EIF4ENIF1: variants seen among roughly 807,000 people sequenced by gnomAD.
EIF4ENIF1 encodes the protein eukaryotic translation initiation factor 4E nuclear import factor 1.
Under a neutral mutation model 110.5 loss-of-function variants are expected in EIF4ENIF1, and 23 were observed. The observed-to-expected ratio is 0.21, with a 90% CI of 0.15 to 0.29. The LOEUF (loss-of-function observed/expected upper bound fraction) is 0.29, where lower values mean the gene tolerates loss of function less well. Ranked by LOEUF, EIF4ENIF1 falls within the 10% of genes least tolerant of loss-of-function variation. The pLI is 1.00. For missense variants in EIF4ENIF1, 1,031 were observed against 1,221.1 expected (o/e 0.84, Z 2.32); for synonymous variants, 440 against 437.0 (o/e 1.01, Z -0.09).
chr22:31,459,576 A>G (rs182956294), intron 6 of EIF4ENIF1, among the ~76,000 whole-genome samples: 4 of 152,054 alleles, frequency 2.6e-5, no homozygotes, highest in African/African-American at 9.7e-5. Flanking sequence ...GTCACACTGT[A>G]TAATAGTAAC....
chr22:31,478,813 G>A (rs371248495), intron 2 of EIF4ENIF1, among the ~76,000 whole-genome samples: 6 of 151,850 alleles, frequency 4.0e-5, no homozygotes, highest in Admixed American at 2.0e-4. Flanking sequence ...TTAGCCGGGC[G>A]TGGTGGCAGG....
chr22:31,492,569 TAGA>T (rs760446345), upstream of EIF4ENIF1, among the ~76,000 whole-genome samples: 11 of 152,186 alleles, frequency 7.2e-5, no homozygotes, highest in African/African-American at 1.4e-4. Flanking sequence ...TCTGTCCTTA[TAGA>T]AGAAGATGGT....
chr22:31,478,341 C>A (rs916766667), intron 2 of EIF4ENIF1, among the ~76,000 whole-genome samples: 2 of 147,972 alleles, frequency 1.4e-5, no homozygotes, highest in African/African-American at 2.4e-5. Flanking sequence ...GGTGAAACCA[C>A]GTCTCTACTA....
downstream of EIF4ENIF1, among the ~76,000 whole-genome samples, chr22:31,439,184 C>T (rs1472655003): frequency 1.3e-5 from 2 of 152,168 alleles, no homozygotes; most frequent in African/African-American, 4.8e-5. Context: ...GTGGCATGTG[C>T]CTGTAGTTCC....
Position 31,439,870 on chromosome 22 carries a change from C to A in EIF4ENIF1, c.*10G>T. 4 of 1,611,456 alleles carry A rather than the reference C, an allele frequency of 2.5e-6. No homozygotes were observed. Among genetic ancestry groups the A allele is most frequent in the Non-Finnish European group, 3.4e-6 (4 of 1,179,906 alleles). ...ACAGGTCCGGGCTTAGTTGAGTCTGCCTGCCCTGCTCACTGTCGGTATTCC... is the reference window on the plus strand; with the variant it reads ...ACAGGTCCGGGCTTAGTTGAGTCTGACTGCCCTGCTCACTGTCGGTATTCC... On this transcript the variant is annotated 3_prime_UTR_variant, in exon 19 of 19. Coordinates refer to ENST00000330125, the MANE Select transcript of EIF4ENIF1 (RefSeq NM_019843.4).
At chr22:31,485,008 A>G (rs1300477764) in intron 2 of EIF4ENIF1, among the ~76,000 whole-genome samples, 1 of 152,234 alleles carries the variant, frequency 6.6e-6, no homozygotes, top group Non-Finnish European at 1.5e-5. Context: ...CATATTTATT[A>G]TAGTGCTAGG....
In EIF4ENIF1 at chr22:31,444,620, A is replaced by G. The variant is rs2050403766; in HGVS notation, c.2059T>C (p.Ser687Pro). The stretch of plus-strand genomic sequence containing the variant: ...AGGTCACTGACCATGCTTGTGATGG[A>G]GGCAGCAGGGGCAGGGGAAGAGGAA... ...GNSSSPAPAA[S>P]ITSMLSPSFT... is the part of the protein sequence containing the mutation. The change falls in exon 15 of 19, where the codon TCC (serine) becomes CCC (proline). Residue 687 changes from serine to proline, a missense_variant. By Grantham distance (74) the Ser-to-Pro change is moderately conservative (BLOSUM62 -1). Around this residue, in one of 3 missense-constraint regions of EIF4ENIF1, gnomAD observed 704 missense variants for 879.7 expected, o/e 0.80. Transcript: ENST00000330125. 1.2e-6 allele frequency: 2 copies of G among 1,614,090 alleles called. No individual in the cohort carries two copies. Among genetic ancestry groups the G allele is most frequent in the Non-Finnish European group, 8.5e-7 (1 of 1,179,968 alleles).
downstream of EIF4ENIF1, among the ~76,000 whole-genome samples, chr22:31,438,208 C>G (rs2050201432): frequency 6.6e-6 from 1 of 152,146 alleles, no homozygotes; most frequent in Non-Finnish European, 1.5e-5. Context: ...ATCTAGAACT[C>G]TGGTAAATTA....
chr22:31,459,345 C>T (rs1242937656), intron 6 of EIF4ENIF1, among the ~76,000 whole-genome samples: 3 of 152,106 alleles, frequency 2.0e-5, no homozygotes, highest in Non-Finnish European at 4.4e-5. Flanking sequence ...GCACCTGTAG[C>T]ACCACTTTCA....
At chr22:31,489,419 G>A (rs1021768782) in intron 1 of EIF4ENIF1, 1 of 152,180 alleles carries the variant, frequency 6.6e-6, no homozygotes, top group Admixed American at 6.5e-5. Flanking sequence ...AGGGAGGAGG[G>A]AGGCCGAATC....
chr22:31,485,469 G>C (rs1437238422), intron 2 of EIF4ENIF1, among the ~76,000 whole-genome samples: 1 of 152,206 alleles, frequency 6.6e-6, no homozygotes, highest in East Asian at 1.9e-4. Context: ...ATCGGTGTGT[G>C]AAAGTGATTC....
chr22:31,484,085 G>T (rs1363373267), intron 2 of EIF4ENIF1, among the ~76,000 whole-genome samples: 1 of 152,158 alleles, frequency 6.6e-6, no homozygotes, highest in East Asian at 1.9e-4. Context: ...CATTTATCAA[G>T]TTCTCTAAGG....
At chr22:31,487,592 T>C (rs1440848237) in intron 2 of EIF4ENIF1, among the ~76,000 whole-genome samples, 2 of 151,450 alleles carry the variant, frequency 1.3e-5, no homozygotes, top group Non-Finnish European at 2.9e-5. Context: ...AGCCCAGGAG[T>C]TTGCCTGGGC....
At chr22:31,464,462 G>A (rs914254570) in intron 4 of EIF4ENIF1, among the ~76,000 whole-genome samples, 2 of 151,134 alleles carry the variant, frequency 1.3e-5, no homozygotes, top group Admixed American at 6.6e-5. Flanking sequence ...GGTGGATCAC[G>A]AGGTTAGGAG....
intron 15 of EIF4ENIF1, chr22:31,444,302 A>C: frequency 3.6e-6 from 1 of 281,642 alleles, no homozygotes; most frequent in Non-Finnish European, 7.1e-6. Context: ...GTCTCTCACT[A>C]TCGTCCTCCT....
At chr22:31,441,048 A>T (rs2050278262) in intron 17 of EIF4ENIF1, among the ~76,000 whole-genome samples, 180 bp from the exon 18 acceptor site, 1 of 152,006 alleles carries the variant, frequency 6.6e-6, no homozygotes, top group Non-Finnish European at 1.5e-5. Flanking sequence ...CGAGGTCAGG[A>T]GTTCGAGACC....
At chr22:31,468,338 C>G in intron 3 of EIF4ENIF1, 36 bp from the exon 4 acceptor site, 1 of 1,613,624 alleles carries the variant, frequency 6.2e-7, no homozygotes, top group Non-Finnish European at 8.5e-7. Context: ...AGCACTTACG[C>G]CCATGAACCA....
intron 2 of EIF4ENIF1, among the ~76,000 whole-genome samples, chr22:31,484,446 T>A (rs1025789172): frequency 2.6e-5 from 4 of 151,906 alleles, no homozygotes; most frequent in Non-Finnish European, 5.9e-5. Context: ...GAAGGGTCAA[T>A]GGTTAAGGGG....
chr22:31,441,174 T>C (rs889778330), intron 17 of EIF4ENIF1, among the ~76,000 whole-genome samples: 6 of 151,662 alleles, frequency 4.0e-5, no homozygotes, highest in Admixed American at 2.6e-4. Flanking sequence ...GACCTAGAAC[T>C]CGGGAGAGGC....
Sources: gnomAD v4.1 joint callset for allele counts (sites outside exome capture counted in the v4.1 genomes callset) on GRCh38, gnomAD v4.1.1 for gene constraint, gnomAD v4.1.1 regional missense constraint, MANE v1.5 for transcripts, NCBI Gene and HGNC (gene_info 2026-07-23, HGNC 2026-07-21) for gene names.